Variants in DAB2IP observed in about 807,000 individuals in gnomAD.
DAB2IP encodes the protein disabled homolog 2-interacting protein.
In DAB2IP, 28 loss-of-function variants were observed where a neutral mutation model predicts 107.2. That is an observed-to-expected ratio of 0.26 (90% CI 0.19 to 0.36). DAB2IP has a LOEUF of 0.36. DAB2IP is among the 10% of genes least tolerant of loss of function. The pLI, the probability that DAB2IP is intolerant of heterozygous loss-of-function variation, is 1.00. For missense variants in DAB2IP, 1,400 were observed against 1,644.7 expected (o/e 0.85, Z 2.57); for synonymous variants, 755 against 706.4 (o/e 1.07, Z -1.09).
chr9:121,658,354 G>C (rs1449334543), intron 1 of DAB2IP, among the ~76,000 whole-genome samples: 21 of 152,202 alleles, frequency 1.4e-4, no homozygotes, highest in Admixed American at 1.4e-3. Context: ...CCATTAAGTA[G>C]GTATTCGGGG....
chr9:121,733,901 G>A (rs1208172587), intron 3 of DAB2IP, among the ~76,000 whole-genome samples: 2 of 152,238 alleles, frequency 1.3e-5, no homozygotes, highest in East Asian at 3.9e-4. Flanking sequence ...AGGTATAAAG[G>A]TGAGGAGTGT....
chr9:121,716,662 G>T (rs113775172), intron 3 of DAB2IP, among the ~76,000 whole-genome samples: 2 of 152,164 alleles, frequency 1.3e-5, no homozygotes, highest in Non-Finnish European at 2.9e-5. Context: ...GCATCCTGGG[G>T]TTGGTACCCA....
chr9:121,637,312 T>A (rs1054009268), intron 1 of DAB2IP, among the ~76,000 whole-genome samples: 7 of 152,230 alleles, frequency 4.6e-5, no homozygotes, highest in Non-Finnish European at 1.0e-4. Flanking sequence ...CTCTGCTGGC[T>A]GAGCCTAGCA....
At chr9:121,624,206 C>T (rs1461393329) in intron 1 of DAB2IP, among the ~76,000 whole-genome samples, 5 of 152,236 alleles carry the variant, frequency 3.3e-5, no homozygotes, top group Non-Finnish European at 5.9e-5. Flanking sequence ...GTTGTCTGTG[C>T]CACGGACCCA....
chr9:121,593,013 A>G (rs1589383687), intron 1 of DAB2IP, among the ~76,000 whole-genome samples: 1 of 152,192 alleles, frequency 6.6e-6, no homozygotes, highest in African/African-American at 2.4e-5. Context: ...AACTTCATGC[A>G]TATTTTTGAC....
At chr9:121,650,680 A>G (rs776938075), upstream of DAB2IP, among the ~76,000 whole-genome samples, 10 of 152,178 alleles carry the variant, frequency 6.6e-5, no homozygotes, top group Non-Finnish European at 1.2e-4. Flanking sequence ...TAAACGACGA[A>G]TATTGCTAAA....
intron 1 of DAB2IP, among the ~76,000 whole-genome samples, chr9:121,619,213 C>T (rs752495163): frequency 1.2e-4 from 18 of 152,120 alleles, no homozygotes; most frequent in Non-Finnish European, 2.1e-4. Flanking sequence ...GTGGCGTGAT[C>T]TCAGCTCACT....
At chr9:121,777,638 A>G (rs1835298213) in intron 14 of DAB2IP, among the ~76,000 whole-genome samples, 1 of 152,258 alleles carries the variant, frequency 6.6e-6, no homozygotes, top group Non-Finnish European at 1.5e-5. Flanking sequence ...ATAGTGTTCA[A>G]GTATTCCATA....
At chr9:121,646,010 G>C (rs1286086439) in intron 1 of DAB2IP, among the ~76,000 whole-genome samples, 1 of 152,062 alleles carries the variant, frequency 6.6e-6, no homozygotes, top group Non-Finnish European at 1.5e-5. Flanking sequence ...GTTCCGGCCT[G>C]TCCCGAGGGC....
intron 2 of DAB2IP, among the ~76,000 whole-genome samples, chr9:121,693,262 C>G (rs928773772): frequency 1.3e-5 from 2 of 152,192 alleles, no homozygotes; most frequent in Non-Finnish European, 2.9e-5. Flanking sequence ...CCTGGCTGCC[C>G]TCTGTGGGCC....
At chr9:121,714,407 C>T (rs896636827) in intron 3 of DAB2IP, among the ~76,000 whole-genome samples, 2 of 152,198 alleles carry the variant, frequency 1.3e-5, no homozygotes, top group Non-Finnish European at 2.9e-5. Context: ...GGTGTTACTA[C>T]GTGAAATCTG....
At position 121,772,335 on chromosome 9, in the gene DAB2IP, C is replaced by T. The variant is rs1224081984; in HGVS notation, c.2079-272C>T. Among the ~76,000 whole-genome samples the T allele has an allele frequency of 6.6e-6, 1 of 152,210 alleles. No individual in the cohort carries two copies. The highest frequency in any genetic ancestry group is 1.5e-5 in the Non-Finnish European group (1 of 68,034). On this transcript the variant is annotated intron_variant, in intron 11 of 15. Coordinates refer to ENST00000408936, the Ensembl canonical transcript of DAB2IP. The surrounding 1 kb of genome is among the most constrained non-coding windows in gnomAD (Gnocchi z 4.7). Reference sequence around the variant, plus strand: ...CCCCAGTACCCATTGTCCCAAGATGCAGCTGAACAGGGAAGGGGTCTTCCA... The same window carrying T: ...CCCCAGTACCCATTGTCCCAAGATGTAGCTGAACAGGGAAGGGGTCTTCCA...
intron 2 of DAB2IP, among the ~76,000 whole-genome samples, chr9:121,686,021 C>T (rs1007222056): frequency 6.6e-6 from 1 of 152,132 alleles, no homozygotes; most frequent in Admixed American, 6.5e-5. Flanking sequence ...GTGAGGTGGG[C>T]CAGAGTAGGC....
chr9:121,660,673 G>A (rs1833162810), intron 1 of DAB2IP, among the ~76,000 whole-genome samples: 1 of 152,190 alleles, frequency 6.6e-6, no homozygotes. Flanking sequence ...GCATTGCAGC[G>A]AGTTTCCCAT....
chr9:121,773,207 G>C, exon 12 of DAB2IP: 1 of 1,572,910 alleles, frequency 6.4e-7, no homozygotes, highest in Non-Finnish European at 8.6e-7. Context: ...CACGGCGACA[G>C]ATGTCACTGA....
chr9:121,605,653 G>A (rs1271381687), intron 1 of DAB2IP, among the ~76,000 whole-genome samples: 1 of 152,054 alleles, frequency 6.6e-6, no homozygotes. Context: ...GGCGCTTGCC[G>A]TCATGCCTGG....
intron 3 of DAB2IP, among the ~76,000 whole-genome samples, chr9:121,704,753 A>G (rs1365895381): frequency 6.6e-6 from 1 of 152,100 alleles, no homozygotes; most frequent in Non-Finnish European, 1.5e-5. Context: ...TAATCCTATC[A>G]TTCATAAGGA....
intron 3 of DAB2IP, chr9:121,737,512 G>A (rs1044126780): frequency 1.0e-6 from 1 of 985,324 alleles, no homozygotes; most frequent in African/African-American, 1.7e-5. Flanking sequence ...CAGAAGAGCT[G>A]CCTGGGTGAG....
rs143897806 is a variant in DAB2IP, at chr9:121,756,511, C to T, written c.363-502C>T. On this transcript the variant is annotated intron_variant, in intron 3 of 15. Coordinates refer to ENST00000408936, the Ensembl canonical transcript of DAB2IP. ...CAGCAGGGTCCCTGTGGCTTTCCCT[C>T]GTGTGGGTCTGCTGGTGTGGGACAG... is the stretch of plus-strand genomic sequence containing the variant. Among the ~76,000 whole-genome samples the T allele has an allele frequency of 5.5e-3, 845 of 152,342 alleles. 6 individuals are homozygous for T. The highest frequency in any genetic ancestry group is 9.8e-3 in the Non-Finnish European group (668 of 68,028).
Sources: gnomAD v4.1 joint callset for allele counts (sites outside exome capture counted in the v4.1 genomes callset) on GRCh38, gnomAD v4.1.1 for gene constraint, Gnocchi (gnomAD v3.1) non-coding constraint, MANE v1.5 for transcripts, NCBI Gene and HGNC (gene_info 2026-07-23, HGNC 2026-07-21) for gene names.